The following PRKN variants were observed in gnomAD, a reference collection of about 807,000 sequenced individuals.
PRKN encodes E3 ubiquitin-protein ligase parkin.
PRKN carries 56 observed loss-of-function variants against 59.5 expected under a neutral mutation model. That is an observed-to-expected ratio of 0.94 (90% CI 0.76 to 1.18). The LOEUF (loss-of-function observed/expected upper bound fraction) is 1.18. PRKN is among the 50% of genes most tolerant of loss of function. The pLI, the probability that PRKN is intolerant of heterozygous loss-of-function variation, is 0.00. For missense variants in PRKN, 657 were observed against 596.4 expected, an observed-to-expected ratio of 1.10 and a Z score of -1.06; for synonymous variants, 250 against 222.1, an observed-to-expected ratio of 1.13 and a Z score of -1.12.
At chr6:161,600,038 T>C (rs909097256) in intron 7 of PRKN, among the ~76,000 whole-genome samples, 2 of 152,230 alleles carry the variant, frequency 1.3e-5, no homozygotes, top group Non-Finnish European at 2.9e-5. Context: ...ATCTGTTATA[T>C]TAACATTCAA....
intron 4 of PRKN, among the ~76,000 whole-genome samples, chr6:162,095,149 C>T: frequency 6.6e-6 from 1 of 152,198 alleles, no homozygotes; most frequent in East Asian, 1.9e-4. Context: ...AGAATTACTA[C>T]AAGTGAATTC....
intron 4 of PRKN, among the ~76,000 whole-genome samples, chr6:162,096,121 T>G (rs1029973432): frequency 1.3e-5 from 2 of 148,546 alleles, no homozygotes; most frequent in African/African-American, 5.0e-5. Context: ...ACGACAGAGA[T>G]ATCTACACAT....
intron 4 of PRKN, among the ~76,000 whole-genome samples, chr6:162,141,031 G>A (rs1380316868): frequency 6.6e-6 from 1 of 152,078 alleles, no homozygotes; most frequent in Non-Finnish European, 1.5e-5. Flanking sequence ...TTCGGAGGCT[G>A]AGGCAGGAGA....
chr6:162,472,964 A>G (rs1791832686), intron 1 of PRKN, among the ~76,000 whole-genome samples: 1 of 151,810 alleles, frequency 6.6e-6, no homozygotes, highest in East Asian at 1.9e-4. Context: ...TGACTTGGCC[A>G]TGGTTATTCA....
intron 3 of PRKN, among the ~76,000 whole-genome samples, chr6:162,259,473 C>A (rs1779794962): frequency 6.6e-6 from 1 of 152,140 alleles, no homozygotes; most frequent in Non-Finnish European, 1.5e-5. Flanking sequence ...TTCTGGCCAT[C>A]AAAGAAACAT....
intron 2 of PRKN, among the ~76,000 whole-genome samples, chr6:162,388,475 T>G (rs1383090826): frequency 3.3e-5 from 5 of 152,292 alleles, no homozygotes; most frequent in South Asian, 2.1e-4. Flanking sequence ...ACTTCCTCAC[T>G]TAGCACACAG....
chr6:161,427,205 A>T (rs1788410359), intron 9 of PRKN, among the ~76,000 whole-genome samples: 1 of 152,142 alleles, frequency 6.6e-6, no homozygotes, highest in African/African-American at 2.4e-5. Context: ...TTTTTAGACG[A>T]GACAGGATTT....
intron 1 of PRKN, among the ~76,000 whole-genome samples, chr6:162,619,672 TACAGAAG>T (rs1782575360): frequency 6.7e-6 from 1 of 150,134 alleles, no homozygotes; most frequent in East Asian, 2.0e-4. Context: ...AAAGTAATAA[TACAGAAG>T]TGTTGGTATC....
intron 6 of PRKN, among the ~76,000 whole-genome samples, chr6:161,949,993 A>G (rs550863768): frequency 2.6e-5 from 4 of 152,228 alleles, no homozygotes; most frequent in Admixed American, 2.6e-4. Flanking sequence ...GGAGATTGGG[A>G]AACAGTTACA....
intron 2 of PRKN, among the ~76,000 whole-genome samples, chr6:162,416,492 C>T (rs999584860): frequency 1.3e-5 from 2 of 152,124 alleles, no homozygotes; most frequent in Non-Finnish European, 2.9e-5. Flanking sequence ...TTTCATATTC[C>T]TTACAAGTTG....
intron 5 of PRKN, among the ~76,000 whole-genome samples, chr6:162,006,636 T>C (rs1001909713): frequency 2.0e-5 from 3 of 152,188 alleles, no homozygotes; most frequent in Non-Finnish European, 4.4e-5. Context: ...TTTCTCTGCT[T>C]ACGATGCCTT....
intron 8 of PRKN, among the ~76,000 whole-genome samples, chr6:161,565,384 C>T (rs1400203469): frequency 6.6e-6 from 1 of 152,118 alleles, no homozygotes; most frequent in African/African-American, 2.4e-5. Context: ...CATGGTTTGG[C>T]TGTGTCCCCA....
At chr6:161,893,282 T>C (rs78869350) in intron 6 of PRKN, among the ~76,000 whole-genome samples, 3 of 152,334 alleles carry the variant, frequency 2.0e-5, no homozygotes, top group Admixed American at 1.3e-4. Flanking sequence ...TACTGAGTGA[T>C]TGAAAGTAGA....
chr6:161,430,224 T>C (rs1245123802), intron 9 of PRKN, among the ~76,000 whole-genome samples: 1 of 152,220 alleles, frequency 6.6e-6, no homozygotes, highest in African/African-American at 2.4e-5. Context: ...CTTCCAAGGC[T>C]GTTCACTGTA....
At chr6:161,580,575 C>T (rs1308244106) in intron 7 of PRKN, among the ~76,000 whole-genome samples, 1 of 152,054 alleles carries the variant, frequency 6.6e-6, no homozygotes, top group East Asian at 1.9e-4. Flanking sequence ...CTCCCAGGTT[C>T]AAGCGATTCT....
intron 10 of PRKN, among the ~76,000 whole-genome samples, chr6:161,367,271 G>A (rs372998271): frequency 6.6e-5 from 10 of 151,840 alleles, no homozygotes; most frequent in Non-Finnish European, 1.5e-4. Context: ...GTGAGCCACC[G>A]CGCCCGGCCG....
At position 162,043,487 on chromosome 6, in the gene PRKN, C is replaced by T. The variant is rs117812738; in HGVS notation, c.618+10604G>A. On this transcript the variant is annotated intron_variant, in intron 5 of 11. Transcript: ENST00000366898. ...TGAAATTTCAAAATTCACTGATGTG[C>T]AGTCTTGCTTCACAAATGGACAAAT... Among the ~76,000 whole-genome samples the T allele has an allele frequency of 7.7e-4, 118 of 152,298 alleles. 1 individual carries two copies. The East Asian group carries it at 0.019, about 25-fold the overall frequency.
intron 4 of PRKN, among the ~76,000 whole-genome samples, chr6:162,117,617 C>G (rs1201213513): frequency 2.0e-5 from 3 of 152,172 alleles, no homozygotes; most frequent in African/African-American, 7.2e-5. Flanking sequence ...TGATTTCCTT[C>G]TCCACTGCAG....
chr6:161,590,207 C>T (rs1192924081), intron 7 of PRKN, among the ~76,000 whole-genome samples: 2 of 152,136 alleles, frequency 1.3e-5, no homozygotes, highest in Non-Finnish European at 2.9e-5. Flanking sequence ...ACCACTTTGA[C>T]CAAGTAATCC....
Sources: gnomAD v4.1 joint callset for allele counts (sites outside exome capture counted in the v4.1 genomes callset) on GRCh38, gnomAD v4.1.1 for gene constraint, MANE v1.5 for transcripts, NCBI Gene and HGNC (gene_info 2026-07-23, HGNC 2026-07-21) for gene names.